The following ITSN2 variants were observed in gnomAD, a reference collection of about 807,000 sequenced individuals.
ITSN2 encodes intersectin-2.
A neutral mutation model predicts 243.7 loss-of-function variants in ITSN2; 156 were observed. The observed-to-expected ratio is 0.64, with a 90% CI of 0.56 to 0.73. The LOEUF (loss-of-function observed/expected upper bound fraction) is 0.73. Ranked by LOEUF, ITSN2 falls within the 30% of genes least tolerant of loss-of-function variation. ITSN2 has a pLI of 0.00. For synonymous variants in ITSN2, 703 were observed against 699.9 expected, an observed-to-expected ratio of 1.00 and a Z score of -0.07; for missense variants, 1,801 against 1,996.1, an observed-to-expected ratio of 0.90 and a Z score of 1.86.
intron 1 of ITSN2, among the ~76,000 whole-genome samples, chr2:24,340,521 C>T (rs1275042962): frequency 6.6e-6 from 1 of 151,896 alleles, no homozygotes; most frequent in Non-Finnish European, 1.5e-5. Context: ...TACCCAGCAT[C>T]AAGATGAAGA....
At chr2:24,267,035 T>C (rs1384037599) in intron 20 of ITSN2, among the ~76,000 whole-genome samples, 1 of 152,176 alleles carries the variant, frequency 6.6e-6, no homozygotes, top group African/African-American at 2.4e-5. Context: ...AACCAAAGTA[T>C]TTCAATGCTG....
At position 24,210,839 on chromosome 2, in the gene ITSN2, C is replaced by A. The variant is rs1558428793; in HGVS notation, c.4198G>T (p.Glu1400Ter). 1 of 1,614,142 alleles carries A rather than the reference C, an allele frequency of 6.2e-7. No homozygotes were observed. The highest frequency in any genetic ancestry group is 1.7e-5 in the Admixed American group (1 of 60,020). ...ATCCACTCCAGTCGGTCCGAGTTTT[C>A]CTTCTCCCGAACTCCCTCATTCACT... is the stretch of plus-strand genomic sequence containing the variant. The part of the protein sequence containing the change: ...SQVNEGVREK[E>*]NSDRLEWIQA... Residue 1400 changes from glutamate to a stop codon, truncating the protein, a stop_gained, in exon 34 of 40, where the codon GAA (glutamate) becomes TAA (stop). Coordinates refer to ENST00000355123, the MANE Select transcript of ITSN2 (RefSeq NM_006277.3). LOFTEE classifies it high-confidence loss of function.
At chr2:24,222,912 G>A (rs965021443) in intron 29 of ITSN2, among the ~76,000 whole-genome samples, 1 of 152,102 alleles carries the variant, frequency 6.6e-6, no homozygotes, top group Non-Finnish European at 1.5e-5. Flanking sequence ...CTGATCTCAG[G>A]TGATCCGCCC....
intron 5 of ITSN2, chr2:24,311,566 A>G (rs1683263148): frequency 6.0e-6 from 1 of 167,096 alleles, no homozygotes; most frequent in African/African-American, 2.4e-5. Flanking sequence ...ATATTCTAAG[A>G]TCTGTAGTGA....
At chr2:24,301,736 C>A (rs72793212) in intron 10 of ITSN2, among the ~76,000 whole-genome samples, 22,947 of 151,912 alleles carry the variant, frequency 0.15, 2,288 homozygotes, top group Non-Finnish European at 0.23. Context: ...ATGTTGTCCA[C>A]GCTGGTCCTG....
At chr2:24,308,358 G>C (rs567960168) in intron 8 of ITSN2, among the ~76,000 whole-genome samples, 6 of 152,210 alleles carry the variant, frequency 3.9e-5, no homozygotes, top group Non-Finnish European at 8.8e-5. Context: ...GATCTTAAGG[G>C]ACAGGTCTTT....
intron 29 of ITSN2, among the ~76,000 whole-genome samples, chr2:24,232,962 C>T (rs1037053636): frequency 6.6e-6 from 1 of 152,144 alleles, no homozygotes; most frequent in African/African-American, 2.4e-5. Context: ...AAAAAGCAAA[C>T]AAGGCCCTTA....
intron 26 of ITSN2, 22 bp downstream of exon 26, chr2:24,248,815 T>G (rs1228580519): frequency 6.2e-7 from 1 of 1,613,334 alleles, no homozygotes; most frequent in Non-Finnish European, 8.5e-7. Context: ...TAGTAATTTT[T>G]TAAGATCACT....
At chr2:24,275,871 G>A (rs1171163577) in intron 17 of ITSN2, 22 bp from the exon 18 acceptor site, 1 of 1,558,982 alleles carries the variant, frequency 6.4e-7, no homozygotes, top group Admixed American at 1.9e-5. Context: ...AAGAAAATAA[G>A]TCAATACGTG....
chr2:24,222,941 G>C (rs1670626468), intron 29 of ITSN2, among the ~76,000 whole-genome samples: 1 of 152,128 alleles, frequency 6.6e-6, no homozygotes, highest in East Asian at 1.9e-4. Context: ...CTCCCAAAGT[G>C]CTGGGATTAC....
Position 24,210,884 on chromosome 2 carries a change from C to A in ITSN2, c.4153G>T (p.Ala1385Ser). ...HSSLKLALER[A>S]EELCSQVNEG... is the part of the protein sequence containing the mutation. Reference sequence around the variant, plus strand: ...TTCACTTGAGAGCACAGCTCCTCTGCCCGCTCGAGGGCCAGCTTTAGGGAG... The same window carrying A: ...TTCACTTGAGAGCACAGCTCCTCTGACCGCTCGAGGGCCAGCTTTAGGGAG... The change falls in exon 34 of 40, where the codon GCA (alanine) becomes TCA (serine). Residue 1385 changes from alanine to serine, a missense_variant. Physicochemically the swap from Ala to Ser is moderately conservative, Grantham distance 99. Transcript: ENST00000355123. 6.2e-7 allele frequency: 1 copy of A among 1,614,180 alleles called. No individual in the cohort carries two copies. Among genetic ancestry groups the A allele is most frequent in the Non-Finnish European group, 8.5e-7 (1 of 1,180,030 alleles).
At chr2:24,212,816 C>A in intron 32 of ITSN2, 68 bp from the exon 33 acceptor site, 4 of 1,224,216 alleles carry the variant, frequency 3.3e-6, no homozygotes, top group Non-Finnish European at 4.8e-6. Flanking sequence ...GGTCTTTGAT[C>A]GCCTTTTAGA....
intron 20 of ITSN2, among the ~76,000 whole-genome samples, chr2:24,263,411 T>C (rs894062716): frequency 3.3e-5 from 5 of 152,338 alleles, no homozygotes; most frequent in Admixed American, 6.5e-5. Flanking sequence ...TTTTAAAAAC[T>C]GCTTTCTCAG....
intron 17 of ITSN2, among the ~76,000 whole-genome samples, chr2:24,282,161 C>A (rs1298640388): frequency 6.6e-6 from 1 of 152,178 alleles, no homozygotes. Flanking sequence ...TACAAAAACC[C>A]GAGATCCTAA....
Position 24,284,852 on chromosome 2 carries a change from TA to T in ITSN2, c.1864-10del. Reference sequence around the variant, plus strand: ...TCATCCATATTCCCACACTGTAAGATAAGGCAGATAAAAAGCCAATTAAACT... The same window carrying T: ...TCATCCATATTCCCACACTGTAAGATAGGCAGATAAAAAGCCAATTAAACT... On this transcript the variant is annotated splice_polypyrimidine_tract_variant and intron_variant, in intron 16 of 39. Coordinates refer to ENST00000355123, the MANE Select transcript of ITSN2 (RefSeq NM_006277.3). 6.8e-7 allele frequency: 1 copy of T among 1,468,874 alleles called. No homozygotes were observed. Among genetic ancestry groups the T allele is most frequent in the Non-Finnish European group, 9.4e-7 (1 of 1,063,490 alleles). The allele number at this position is 1,468,874 out of a possible 1,614,324, so 91.0% of individuals were successfully genotyped here. A position where few individuals can be genotyped will look rare whatever the true frequency, so the allele number is the denominator to read the frequency against.
At chr2:24,336,026 G>A (rs1166306784) in intron 1 of ITSN2, among the ~76,000 whole-genome samples, 2 of 151,756 alleles carry the variant, frequency 1.3e-5, no homozygotes, top group African/African-American at 2.4e-5. Flanking sequence ...TGGATCACGA[G>A]GTCAGGAGAT....
intron 25 of ITSN2, among the ~76,000 whole-genome samples, chr2:24,251,325 T>TTAAAAAAAAAAA (rs1309605801): frequency 5.9e-4 from 2 of 3,400 alleles, no homozygotes; most frequent in African/African-American, 1.7e-3. Flanking sequence ...AAAAAAAAAA[T>TTAAAAAAAAAAA]AAAATATATA....
At position 24,208,444 on chromosome 2, in the gene ITSN2, A is replaced by G. The variant is rs993047171; in HGVS notation, c.4596-125T>C. ...TCAACTTTCACAAGTTTCCTATCAAAGACCTGATATTAGTCAACTGAAAGA... is the reference window on the plus strand; with the variant it reads ...TCAACTTTCACAAGTTTCCTATCAAGGACCTGATATTAGTCAACTGAAAGA... On this transcript the variant is annotated intron_variant, in intron 36 of 39. Coordinates refer to ENST00000355123, the MANE Select transcript of ITSN2 (RefSeq NM_006277.3). The G allele has an allele frequency of 1.5e-5, 11 of 714,312 alleles. No homozygotes were observed. The Admixed American group carries it at 2.6e-4, about 17-fold the overall frequency. 44.2% of individuals were successfully genotyped at this position (714,312 alleles called of 1,614,324 possible).
At position 24,275,844 on chromosome 2, in the gene ITSN2, C is replaced by T; in HGVS notation, c.1950G>A (p.Leu650=). The T allele has an allele frequency of 6.2e-7, 1 of 1,600,566 alleles. No individual in the cohort carries two copies. Among genetic ancestry groups the T allele is most frequent in the Non-Finnish European group, 8.5e-7 (1 of 1,174,106 alleles). ...LNNLFLLLKE[L]RETYNTQQLA... is the part of the protein sequence containing the mutation. ...ACTGCTGTGTGTTGTAGGTTTCTCT[C>T]AGTTCCTAAGGAGAAAAAGAAAATA... The change falls in exon 18 of 40, where the codon CTG becomes CTA. Residue 650 remains leucine, a synonymous_variant. Coordinates refer to ENST00000355123, the MANE Select transcript of ITSN2 (RefSeq NM_006277.3).
Sources: gnomAD v4.1 joint callset for allele counts (sites outside exome capture counted in the v4.1 genomes callset) on GRCh38, gnomAD v4.1.1 for gene constraint, MANE v1.5 for transcripts, NCBI Gene and HGNC (gene_info 2026-07-23, HGNC 2026-07-21) for gene names.